RNLS: variants seen among roughly 807,000 people sequenced by gnomAD.
The protein encoded by RNLS is renalase, FAD dependent amine oxidase, also known as renalase.
Under a neutral mutation model 39.8 loss-of-function variants are expected in RNLS, and 39 were observed. The observed-to-expected ratio is 0.98, with a 90% CI of 0.76 to 1.28. The LOEUF (loss-of-function observed/expected upper bound fraction) is 1.28, where lower values mean the gene tolerates loss of function less well. RNLS is among the 50% of genes most tolerant of loss of function. The probability of loss-of-function intolerance (pLI) is 0.00; values close to 1 mark genes in which losing one functional copy is unlikely to be tolerated. For synonymous variants in RNLS, 147 were observed against 150.7 expected, an observed-to-expected ratio of 0.98 and a Z score of 0.18; for missense variants, 410 against 413.3, an observed-to-expected ratio of 0.99 and a Z score of 0.07.
intron 4 of RNLS, among the ~76,000 whole-genome samples, chr10:88,467,365 T>C (rs185293651): frequency 6.6e-5 from 10 of 152,108 alleles, no homozygotes; most frequent in African/African-American, 2.4e-4. Context: ...GATAGCCTAA[T>C]GGCAGGAAAG....
intron 4 of RNLS, among the ~76,000 whole-genome samples, chr10:88,371,837 G>A (rs1000128225): frequency 4.6e-5 from 7 of 152,020 alleles, no homozygotes; most frequent in South Asian, 2.1e-4. Flanking sequence ...GGTAAATTCC[G>A]CCTAGTTATG....
intron 4 of RNLS, among the ~76,000 whole-genome samples, chr10:88,510,187 G>A (rs1264463073): frequency 6.6e-6 from 1 of 152,020 alleles, no homozygotes; most frequent in Admixed American, 6.6e-5. Context: ...GAATAGCACG[G>A]TGTATATATA....
At chr10:88,525,423 A>C (rs1464402611) in intron 4 of RNLS, among the ~76,000 whole-genome samples, 2 of 152,164 alleles carry the variant, frequency 1.3e-5, no homozygotes, top group African/African-American at 4.8e-5. Flanking sequence ...AAGGTGTTTA[A>C]GCAGAAAGCA....
At chr10:88,444,369 G>GA (rs1345917155) in intron 4 of RNLS, among the ~76,000 whole-genome samples, 30 of 152,202 alleles carry the variant, frequency 2.0e-4, no homozygotes, top group African/African-American at 6.3e-4. Context: ...CAAAGATAGG[G>GA]AAAAAACAGA....
chr10:88,472,415 G>A (rs777484099), intron 4 of RNLS, among the ~76,000 whole-genome samples: 19 of 152,128 alleles, frequency 1.2e-4, no homozygotes, highest in Non-Finnish European at 2.2e-4. Context: ...GGAGCCTGGG[G>A]AACCTGTTAA....
At chr10:88,283,496 G>A (rs557271141), downstream of RNLS, among the ~76,000 whole-genome samples, 1 of 152,106 alleles carries the variant, frequency 6.6e-6, no homozygotes, top group African/African-American at 2.4e-5. Context: ...TCAGTCAAAT[G>A]GCTCCTGAAT....
chr10:88,339,398 TC>T (rs1278750252), intron 5 of RNLS, among the ~76,000 whole-genome samples: 1 of 152,194 alleles, frequency 6.6e-6, no homozygotes, highest in Non-Finnish European at 1.5e-5. Context: ...AAGTAAGTGT[TC>T]CTGGGGTGTT....
At chr10:88,219,175 G>A in the RNLS span, among the ~76,000 whole-genome samples, 2 of 152,134 alleles carry the variant, frequency 1.3e-5, no homozygotes, top group Admixed American at 1.3e-4. Context: ...TATTTGTTGA[G>A]TAAATGGTTA....
intron 4 of RNLS, among the ~76,000 whole-genome samples, chr10:88,411,494 A>C (rs1287027553): frequency 2.7e-5 from 4 of 148,878 alleles, no homozygotes; most frequent in Admixed American, 6.7e-5. Context: ...TCACTCTCAC[A>C]TTTGGACTGA....
At chr10:88,412,425 A>G (rs1050074370) in intron 4 of RNLS, among the ~76,000 whole-genome samples, 9 of 144,986 alleles carry the variant, frequency 6.2e-5, no homozygotes, top group African/African-American at 2.0e-4. Flanking sequence ...ACAAGATGAC[A>G]AAGATGAGAT....
intron 4 of RNLS, among the ~76,000 whole-genome samples, chr10:88,503,808 C>T (rs1011737435): frequency 2.0e-5 from 3 of 152,148 alleles, no homozygotes; most frequent in Non-Finnish European, 4.4e-5. Flanking sequence ...CGTGGTGACT[C>T]ACTTCTAGTT....
At chr10:88,238,519 C>T in the RNLS span, among the ~76,000 whole-genome samples, 1 of 152,200 alleles carries the variant, frequency 6.6e-6, no homozygotes, top group Non-Finnish European at 1.5e-5. Context: ...AACTTTAAAG[C>T]AAGCACGGTT....
chr10:88,293,142 C>T (rs1843796795), intron 6 of RNLS, among the ~76,000 whole-genome samples: 1 of 152,128 alleles, frequency 6.6e-6, no homozygotes, highest in Admixed American at 6.6e-5. Flanking sequence ...CAGAGAAATG[C>T]TATTGTTTAC....
chr10:88,524,960 C>CATATATATATATATATATAT (rs772272529), intron 4 of RNLS, among the ~76,000 whole-genome samples: 1 of 88,964 alleles, frequency 1.1e-5, no homozygotes, highest in African/African-American at 4.4e-5. Context: ...CACACACATA[C>CATATATATATATATATATAT]ATATATATAT....
chr10:88,458,251 G>A lies in RNLS; in HGVS notation c.527-95526C>T, dbSNP rs1005322157. ...AACTAGGTAGTGCCACATCCATTCT[G>A]CAGAACATGTGTGGCAGAAGCATAG... On this transcript the variant is annotated intron_variant, in intron 4 of 6. Coordinates refer to ENST00000331772, the MANE Select transcript of RNLS (RefSeq NM_001031709.3). Among the ~76,000 whole-genome samples, 251 of 152,278 alleles carry A rather than the reference G, an allele frequency of 1.6e-3. 1 individual carries two copies. The highest frequency in any genetic ancestry group is 4.6e-4 in the Non-Finnish European group (31 of 68,022).
intron 6 of RNLS, among the ~76,000 whole-genome samples, chr10:88,299,815 A>T (rs546270122): frequency 2.6e-4 from 40 of 152,320 alleles, no homozygotes; most frequent in African/African-American, 8.4e-4. Context: ...GTTGTTCACT[A>T]GTTCTTTAAG....
chr10:88,199,330 A>G, the RNLS span, among the ~76,000 whole-genome samples: 1 of 152,140 alleles, frequency 6.6e-6, no homozygotes, highest in African/African-American at 2.4e-5. Flanking sequence ...GTGTAACTCT[A>G]CATCAGATAT....
chr10:88,568,427 T>C (rs566351431), intron 4 of RNLS, among the ~76,000 whole-genome samples: 61 of 152,190 alleles, frequency 4.0e-4, no homozygotes, highest in South Asian at 1.2e-3. Context: ...ATATCAGTTA[T>C]TATACTAAAA....
At position 88,317,509 on chromosome 10, in the gene RNLS, G is replaced by A. The variant is rs148688118; in HGVS notation, c.701-2868C>T. Among the ~76,000 whole-genome samples the A allele has an allele frequency of 2.6e-3, 389 of 152,278 alleles. 3 individuals carry two copies. Among genetic ancestry groups the A allele is most frequent in the African/African-American group, 8.0e-3 (331 of 41,546 alleles). ...CTGATCATTACATCAACACCCCAGCGACAATGGAAGACTATTCCTGGGTAT... is the reference window on the plus strand; with the variant it reads ...CTGATCATTACATCAACACCCCAGCAACAATGGAAGACTATTCCTGGGTAT... On this transcript the variant is annotated intron_variant, in intron 5 of 6. Transcript: ENST00000331772.
Sources: gnomAD v4.1 joint callset for allele counts (sites outside exome capture counted in the v4.1 genomes callset) on GRCh38, gnomAD v4.1.1 for gene constraint, MANE v1.5 for transcripts, NCBI Gene and HGNC (gene_info 2026-07-23, HGNC 2026-07-21) for gene names.